GLMN: variants seen among roughly 807,000 people sequenced by gnomAD.
GLMN encodes glomulin.
GLMN carries 75 observed loss-of-function variants against 87.8 expected under a neutral mutation model. That is an observed-to-expected ratio of 0.85 (90% confidence interval 0.71 to 1.04). The LOEUF (loss-of-function observed/expected upper bound fraction) is 1.04, where lower values mean the gene tolerates loss of function less well. Among genes scored for constraint, GLMN ranks in the 50% least tolerant of loss-of-function variants. The pLI, the probability that GLMN is intolerant of heterozygous loss-of-function variation, is 0.00. For missense variants in GLMN, 588 were observed against 658.8 expected, an observed-to-expected ratio of 0.89 and a Z score of 1.18; for synonymous variants, 206 against 221.6, an observed-to-expected ratio of 0.93 and a Z score of 0.63.
upstream of GLMN, among the ~76,000 whole-genome samples, chr1:92,302,380 T>G (rs539192426): frequency 6.6e-6 from 1 of 152,056 alleles, no homozygotes; most frequent in East Asian, 1.9e-4. Context: ...GTCATAGTTC[T>G]TTTAACCAGT....
chr1:92,365,842 A>G, the GLMN span, among the ~76,000 whole-genome samples: 1 of 152,246 alleles, frequency 6.6e-6, no homozygotes, highest in African/African-American at 2.4e-5. Flanking sequence ...TCTAGCGGTT[A>G]GAAGTGTAGA....
At chr1:92,342,991 G>C in the GLMN span, among the ~76,000 whole-genome samples, 1 of 152,304 alleles carries the variant, frequency 6.6e-6, no homozygotes, top group Admixed American at 6.5e-5. Context: ...AGGAGGTCCA[G>C]ACTAGAGCTA....
chr1:92,253,957 TAAC>T (rs1348702173), intron 16 of GLMN, among the ~76,000 whole-genome samples: 8 of 152,060 alleles, frequency 5.3e-5, no homozygotes. Context: ...AGTTGAGTAA[TAAC>T]AAACTCCTCC....
In GLMN at chr1:92,246,507, T is replaced by C. The variant is rs1434398138; in HGVS notation, c.*23A>G. The stretch of plus-strand genomic sequence containing the variant: ...AATGGAAAGTACTATATTTTATTAG[T>C]TTTTATTTAGGAAATGGAACTTTCA... On this transcript the variant is annotated 3_prime_UTR_variant, in exon 19 of 19. Coordinates refer to ENST00000370360, the MANE Select transcript of GLMN (RefSeq NM_053274.3). The C allele has an allele frequency of 9.8e-7, 1 of 1,022,334 alleles. No homozygotes were observed. Among genetic ancestry groups the C allele is most frequent in the Admixed American group, 1.7e-5 (1 of 58,672 alleles). 63.3% of individuals were successfully genotyped at this position (1,022,334 alleles called of 1,614,324 possible).
chr1:92,291,667 T>G, intron 3 of GLMN, 130 bp from the exon 4 acceptor site: 1 of 866,048 alleles, frequency 1.2e-6, no homozygotes, highest in Admixed American at 2.1e-5. Context: ...CCTATGACAT[T>G]TCACCAGAGA....
At chr1:92,317,681 G>T in the GLMN span, among the ~76,000 whole-genome samples, 1 of 152,108 alleles carries the variant, frequency 6.6e-6, no homozygotes, top group African/African-American at 2.4e-5. Context: ...ACCTAAAAAT[G>T]TATTAAACGG....
chr1:92,273,338 CA>C (rs762370832), intron 7 of GLMN, among the ~76,000 whole-genome samples: 1 of 151,888 alleles, frequency 6.6e-6, no homozygotes, highest in Admixed American at 6.6e-5. Context: ...AGCTACAAGA[CA>C]AAAAGTTTAT....
the GLMN span, among the ~76,000 whole-genome samples, chr1:92,304,843 A>C: frequency 3.1e-3 from 477 of 152,318 alleles, 2 homozygotes; most frequent in African/African-American, 0.011. Context: ...GGTAGAAGAC[A>C]CTATGGGAGA....
At chr1:92,274,487 C>T (rs1366873835) in intron 7 of GLMN, among the ~76,000 whole-genome samples, 8 of 152,212 alleles carry the variant, frequency 5.3e-5, no homozygotes, top group Non-Finnish European at 1.2e-4. Context: ...CTGACATTCA[C>T]TGAAGACTCT....
chr1:92,339,902 G>A, the GLMN span, among the ~76,000 whole-genome samples: 13 of 152,138 alleles, frequency 8.5e-5, no homozygotes, highest in African/African-American at 2.9e-4. Context: ...TTGATTATAT[G>A]ACATCTGAGA....
At chr1:92,330,135 T>G in the GLMN span, among the ~76,000 whole-genome samples, 1 of 152,184 alleles carries the variant, frequency 6.6e-6, no homozygotes, top group African/African-American at 2.4e-5. Context: ...TTGGCAAAAC[T>G]GAGATAAAAG....
At chr1:92,356,791 A>G in the GLMN span, among the ~76,000 whole-genome samples, 2 of 151,150 alleles carry the variant, frequency 1.3e-5, no homozygotes, top group African/African-American at 4.9e-5. Flanking sequence ...GGCCAGGCGC[A>G]GTGGCTCACA....
rs1335627000 is a variant in GLMN at position 92,274,441 on chromosome 1, C to T, written c.736-2789G>A. On this transcript the variant is annotated intron_variant, in intron 7 of 18. Coordinates refer to ENST00000370360, the MANE Select transcript of GLMN (RefSeq NM_053274.3). ...CCTTTGATGCAGATAACATACTGTC[C>T]TTTTCTCTGTCATATGCTGACTTCC... is the stretch of plus-strand genomic sequence containing the variant. 2.0e-5 allele frequency among the ~76,000 whole-genome samples: 3 copies of T among 152,218 alleles called. No homozygotes were observed. The East Asian group carries it at 5.8e-4, about 29-fold the overall frequency.
At chr1:92,340,439 C>G in the GLMN span, among the ~76,000 whole-genome samples, 1 of 152,172 alleles carries the variant, frequency 6.6e-6, no homozygotes, top group South Asian at 2.1e-4. Context: ...TCAATCAATA[C>G]TGATAGTGGG....
the GLMN span, among the ~76,000 whole-genome samples, chr1:92,329,860 A>G: frequency 3.3e-5 from 5 of 152,212 alleles, no homozygotes; most frequent in Admixed American, 6.5e-5. Flanking sequence ...TGAATTGGTC[A>G]TGGTCTCATC....
the GLMN span, among the ~76,000 whole-genome samples, chr1:92,311,393 G>A: frequency 6.6e-6 from 1 of 152,180 alleles, no homozygotes; most frequent in Non-Finnish European, 1.5e-5. Context: ...TAAGACTAGA[G>A]AAACTTATAC....
intron 7 of GLMN, among the ~76,000 whole-genome samples, chr1:92,277,176 T>TA (rs1273167695): frequency 2.0e-5 from 3 of 152,074 alleles, no homozygotes; most frequent in Non-Finnish European, 4.4e-5. Flanking sequence ...TTTAGTCAAT[T>TA]AAAAAAAGGA....
At chr1:92,313,251 A>G in the GLMN span, among the ~76,000 whole-genome samples, 1 of 152,114 alleles carries the variant, frequency 6.6e-6, no homozygotes, top group South Asian at 2.1e-4. Flanking sequence ...CAGAGGAATC[A>G]CTCTATGGCA....
chr1:92,337,986 G>T, the GLMN span, among the ~76,000 whole-genome samples: 1 of 152,058 alleles, frequency 6.6e-6, no homozygotes, highest in Non-Finnish European at 1.5e-5. Context: ...AAGTAATCTA[G>T]TGTATTCAAT....
Sources: allele counts gnomAD v4.1 joint callset (sites outside exome capture counted in the v4.1 genomes callset), GRCh38; gene constraint gnomAD v4.1.1; transcripts MANE v1.5; gene names NCBI Gene and HGNC (gene_info 2026-07-23, HGNC 2026-07-21).